PKD1L1: variants seen among roughly 807,000 people sequenced by gnomAD.
PKD1L1 encodes the protein polycystin-1-like protein 1.
Under a neutral mutation model 323.4 loss-of-function variants are expected in PKD1L1, and 236 were observed. The ratio of observed to expected loss-of-function variants is 0.73; its 90% CI spans 0.66 to 0.81. PKD1L1 has a LOEUF of 0.81. Among genes scored for constraint, PKD1L1 ranks in the 40% least tolerant of loss-of-function variants. The pLI is 0.00. For synonymous variants in PKD1L1, 1,344 were observed against 1,335.0 expected (o/e 1.01, Z -0.15); for missense variants, 3,320 against 3,508.0 (o/e 0.95, Z 1.35).
Position 47,813,485 on chromosome 7 carries a change from T to C in PKD1L1, c.7174-192A>G, listed in dbSNP as rs75130726. ...TCTAGCTCAAGCTACAGGATCAAGG[T>C]TCTACCCACAGAAGGTTGGCATCTG... On this transcript the variant is annotated intron_variant, in intron 48 of 56. Coordinates refer to ENST00000289672, the MANE Select transcript of PKD1L1 (RefSeq NM_138295.5). 1.4e-3 allele frequency: 1,054 copies of C among 733,154 alleles called. 11 individuals carry two copies. In the African/African-American group the frequency reaches 0.016, roughly 11 times the overall value. 45.4% of individuals were successfully genotyped at this position (733,154 alleles called of 1,614,324 possible).
chr7:47,940,801 C>A (rs571819370), intron 2 of PKD1L1, among the ~76,000 whole-genome samples: 1 of 152,306 alleles, frequency 6.6e-6, no homozygotes, highest in East Asian at 1.9e-4. Flanking sequence ...ACCTGGCTGA[C>A]GTTCACTCCT....
chr7:47,788,111 C>A (rs1330287704), intron 56 of PKD1L1, among the ~76,000 whole-genome samples: 1 of 151,734 alleles, frequency 6.6e-6, no homozygotes, highest in African/African-American at 2.4e-5. Context: ...TTAACTTGAG[C>A]TATATTCCTA....
chr7:47,949,368 C>CAAGAAAAAAAA (rs1788167702), upstream of PKD1L1, among the ~76,000 whole-genome samples: 1 of 57,134 alleles, frequency 1.8e-5, no homozygotes, highest in Non-Finnish European at 3.2e-5. Context: ...GGCTCTGTCT[C>CAAGAAAAAAAA]AAAAAAAAAA....
At chr7:47,819,668 A>C in intron 46 of PKD1L1, 3 of 997,256 alleles carry the variant, frequency 3.0e-6, no homozygotes, top group Middle Eastern at 2.6e-4. Flanking sequence ...AACAACTTGG[A>C]TTACTGAGCT....
intron 54 of PKD1L1, among the ~76,000 whole-genome samples, chr7:47,797,090 T>C (rs970269579): frequency 2.6e-5 from 4 of 152,028 alleles, no homozygotes; most frequent in Admixed American, 2.6e-4. Flanking sequence ...GGGACAGCTG[T>C]TACCCACTGA....
upstream of PKD1L1, among the ~76,000 whole-genome samples, chr7:47,949,113 A>G (rs147548650): frequency 7.5e-3 from 1,142 of 152,032 alleles, 21 homozygotes; most frequent in African/African-American, 0.026. Context: ...GCTCACGCCT[A>G]TAATCCCAAC....
chr7:47,883,141 T>G (rs1786601484), intron 19 of PKD1L1, among the ~76,000 whole-genome samples: 1 of 152,256 alleles, frequency 6.6e-6, no homozygotes, highest in African/African-American at 2.4e-5. Context: ...CTACAACAGA[T>G]CTGCGTGTGT....
chr7:47,866,959 A>T (rs1786182892), intron 24 of PKD1L1, among the ~76,000 whole-genome samples: 1 of 152,196 alleles, frequency 6.6e-6, no homozygotes, highest in African/African-American at 2.4e-5. Flanking sequence ...TCCGGGTTTC[A>T]ATAATTGCGC....
rs372682154 is a variant in PKD1L1 at position 47,890,781 on chromosome 7, G to C, written c.2454-18C>G. On this transcript the variant is annotated intron_variant, in intron 15 of 56. Coordinates refer to ENST00000289672, the MANE Select transcript of PKD1L1 (RefSeq NM_138295.5). The stretch of plus-strand genomic sequence containing the variant: ...AGTGATACCTGTTGGAGAAGTCATC[G>C]GAGTGGCTGAGGGGAGCATCAGGCA... The C allele has an allele frequency of 1.4e-4, 232 of 1,609,384 alleles. 3 individuals are homozygous for C. In the South Asian group the frequency reaches 1.9e-3, roughly 13 times the overall value.
At chr7:47,808,532 G>C (rs761364993) in intron 51 of PKD1L1, 145 bp from the exon 52 acceptor site, 13 of 978,712 alleles carry the variant, frequency 1.3e-5, no homozygotes, top group Non-Finnish European at 1.8e-5. Flanking sequence ...GGGTGATTTT[G>C]TCCTTGGGGG....
rs764245366 is a variant in PKD1L1, at chr7:47,882,002, A to C, written c.3349T>G (p.Ser1117Ala). 1.2e-5 allele frequency: 20 copies of C among 1,613,906 alleles called. No homozygotes were observed. Among genetic ancestry groups the C allele is most frequent in the Non-Finnish European group, 1.6e-5 (19 of 1,179,972 alleles). ...GGCTCGGCTCTGCCTGCAGACAGGGAGGGGTCCACCAGGTTATCCCCATCT... is the reference window on the plus strand; with the variant it reads ...GGCTCGGCTCTGCCTGCAGACAGGGCGGGGTCCACCAGGTTATCCCCATCT... ...PGDGDNLVDP[S>A]LSAGRAEPVL... Residue 1117 changes from serine (S) to alanine (A), a missense_variant, in exon 20 of 57, where the codon TCC becomes GCC. Physicochemically the swap from Ser to Ala is moderately conservative, Grantham distance 99. Coordinates refer to ENST00000289672, the MANE Select transcript of PKD1L1 (RefSeq NM_138295.5).
At chr7:47,931,871 C>A (rs1349255999) in intron 5 of PKD1L1, 65 bp downstream of exon 5, 2 of 1,558,054 alleles carry the variant, frequency 1.3e-6, no homozygotes, top group Admixed American at 1.8e-5. Context: ...GAGTCTCCCC[C>A]ATATGCATCA....
rs768660138 is a variant in PKD1L1 at position 47,808,228 on chromosome 7, C to T, written c.7827+19G>A. 6.2e-7 allele frequency: 1 copy of T among 1,613,718 alleles called. No homozygotes were observed. The highest frequency in any genetic ancestry group is 8.5e-7 in the Non-Finnish European group (1 of 1,179,864). On this transcript the variant is annotated intron_variant, in intron 52 of 56. Coordinates refer to ENST00000289672, the MANE Select transcript of PKD1L1 (RefSeq NM_138295.5). ...CAGTGCATGGCCTCTATCTGCATGG[C>T]CCTGAGCACACCGTGTACCTGATTC...
chr7:47,821,148 A>G lies in PKD1L1; in HGVS notation c.6893T>C (p.Leu2298Ser). 6 of 1,610,522 alleles carry G rather than the reference A, an allele frequency of 3.7e-6. No individual in the cohort carries two copies. The highest frequency in any genetic ancestry group is 1.3e-5 in the African/African-American group (1 of 74,976). The change falls in exon 46 of 57, where the codon TTG becomes TCG. Residue 2298 changes from leucine to serine, a missense_variant. Transcript: ENST00000289672. ...GGAAAATCTCCCATATATTACACAC[A>G]AAAGCAGAAGCAGCATGAGGATGTC... The part of the protein sequence containing the change: ...SMDILMLLLL[L>S]CVIYGRFSQD...
chr7:47,803,247 A>G lies in PKD1L1; in HGVS notation c.7925T>C (p.Met2642Thr). 6.2e-7 allele frequency: 1 copy of G among 1,614,188 alleles called. No homozygotes were observed. The highest frequency in any genetic ancestry group is 1.3e-5 in the African/African-American group (1 of 75,050). ...IQNTMASCSS[M>T]MRHSLPSIFV... Reference sequence around the variant, plus strand: ...GATGCTGGGGAGTGAGTGGCGCATCATGGAGGAGCAGGATGCCATTGTGTT... The same window carrying G: ...GATGCTGGGGAGTGAGTGGCGCATCGTGGAGGAGCAGGATGCCATTGTGTT... Residue 2642 changes from methionine to threonine, a missense_variant, in exon 53 of 57, where the codon ATG (methionine) becomes ACG (threonine). By Grantham distance (81) the Met-to-Thr change is moderately conservative. Coordinates refer to ENST00000289672, the MANE Select transcript of PKD1L1 (RefSeq NM_138295.5).
chr7:47,814,228 C>G (rs143712885), intron 47 of PKD1L1, among the ~76,000 whole-genome samples: 1 of 152,172 alleles, frequency 6.6e-6, no homozygotes, highest in Non-Finnish European at 1.5e-5. Context: ...AAAGGGTTAA[C>G]GTTCAAATGG....
rs1243169992 is a variant in PKD1L1 at position 47,813,550 on chromosome 7, T to C, written c.7174-257A>G. The C allele has an allele frequency of 1.2e-5, 8 of 680,262 alleles. No individual in the cohort carries two copies. The East Asian group carries it at 2.3e-4, about 20-fold the overall frequency. 42.1% of individuals were successfully genotyped at this position (680,262 alleles called of 1,614,324 possible). On this transcript the variant is annotated intron_variant, in intron 48 of 56. Transcript: ENST00000289672. ...CTAAGGCTTAGACCACTTGAAGACT[T>C]CCCCATCATGAGATGCCAGGTAAAA...
At chr7:47,937,286 A>C (rs1429497379) in intron 3 of PKD1L1, among the ~76,000 whole-genome samples, 1 of 144,826 alleles carries the variant, frequency 6.9e-6, no homozygotes, top group Non-Finnish European at 1.5e-5. Context: ...GTGCTTTTTT[A>C]TACACAGGGT....
chr7:47,777,771 C>T (rs1202756935), intron 56 of PKD1L1, among the ~76,000 whole-genome samples: 1 of 152,200 alleles, frequency 6.6e-6, no homozygotes, highest in African/African-American at 2.4e-5. Flanking sequence ...GCACAGTTCT[C>T]ATCCTAGAAA....
Sources: allele counts gnomAD v4.1 joint callset (sites outside exome capture counted in the v4.1 genomes callset), GRCh38; gene constraint gnomAD v4.1.1; transcripts MANE v1.5; gene names NCBI Gene and HGNC (gene_info 2026-07-23, HGNC 2026-07-21).